The following CDH20 variants were observed in gnomAD, a reference collection of about 807,000 sequenced individuals.
CDH20 encodes cadherin 20.
Under a neutral mutation model 74.2 loss-of-function variants are expected in CDH20, and 29 were observed. The observed-to-expected ratio is 0.39, with a 90% CI of 0.29 to 0.53. The LOEUF is 0.53. Ranked by LOEUF, CDH20 falls within the 20% of genes least tolerant of loss-of-function variation. The pLI, the probability that CDH20 is intolerant of heterozygous loss-of-function variation, is 0.69. For synonymous variants in CDH20, 469 were observed against 405.4 expected (o/e 1.16, Z -1.88); for missense variants, 988 against 1,048.3 (o/e 0.94, Z 0.79).
rs565050938 is a variant in CDH20, at chr18:61,541,551, G to A, written c.1530+2406G>A. Among the ~76,000 whole-genome samples, 19 of 152,252 alleles carry A rather than the reference G, an allele frequency of 1.2e-4. No individual in the cohort carries two copies. The South Asian group carries it at 2.7e-3, about 22-fold the overall frequency. ...GCATCTTTTAATAGTTTGTTATACA[G>A]TGATCTGAAGTACAGATCTTTCACT... On this transcript the variant is annotated intron_variant, in intron 9 of 11. Coordinates refer to ENST00000262717, the MANE Select transcript of CDH20 (RefSeq NM_031891.4).
At chr18:61,377,462 G>A (rs1911275814) in intron 1 of CDH20, among the ~76,000 whole-genome samples, 1 of 151,566 alleles carries the variant, frequency 6.6e-6, no homozygotes, top group East Asian at 1.9e-4. Flanking sequence ...GACACGCGAA[G>A]CCTCATAAGT....
rs1913178570 is a variant in CDH20, at chr18:61,544,876, C to T, written c.1531-151C>T. On this transcript the variant is annotated intron_variant, in intron 9 of 11. Coordinates refer to ENST00000262717, the MANE Select transcript of CDH20 (RefSeq NM_031891.4). ...TCACCAGGAACCCTGCCCTTCTCTA[C>T]CCAGCATTTCCCTGCCCCTCTCCCA... 1.4e-5 allele frequency: 9 copies of T among 641,284 alleles called. No individual in the cohort carries two copies. The South Asian group carries it at 1.4e-4, about 10-fold the overall frequency. The allele number at this position is 641,284 out of a possible 1,614,324, so 39.7% of individuals were successfully genotyped here. A position where few individuals can be genotyped will look rare whatever the true frequency, so the allele number is the denominator to read the frequency against.
chr18:61,467,993 G>A (rs74643416), intron 1 of CDH20, among the ~76,000 whole-genome samples: 4 of 151,956 alleles, frequency 2.6e-5, no homozygotes, highest in African/African-American at 4.8e-5. Flanking sequence ...GTGTGGACTC[G>A]GATGCACAAA....
intron 1 of CDH20, among the ~76,000 whole-genome samples, chr18:61,398,544 G>A (rs942952431): frequency 6.6e-6 from 1 of 152,058 alleles, no homozygotes; most frequent in African/African-American, 2.4e-5. Context: ...TTTTCAATGT[G>A]TAAAAACAAC....
Position 61,404,754 on chromosome 18 carries a change from T to A in CDH20, c.-153+70927T>A, listed in dbSNP as rs545110659. 26 of 340,754 alleles carry A rather than the reference T, an allele frequency of 7.6e-5. No homozygotes were observed. The South Asian group carries it at 8.7e-4, about 11-fold the overall frequency. The allele number at this position is 340,754 out of a possible 1,614,324, so 21.1% of individuals were successfully genotyped here. On this transcript the variant is annotated intron_variant, in intron 1 of 11. Transcript: ENST00000262717. ...AAAAAGAGACCCTTTTCCTTGGCAGTTAAAAAAATGGAACATTTGTTTAAT... is the reference window on the plus strand; with the variant it reads ...AAAAAGAGACCCTTTTCCTTGGCAGATAAAAAAATGGAACATTTGTTTAAT...
In CDH20 at chr18:61,487,131, A is replaced by T. The variant is rs1568160070; in HGVS notation, c.-152-3271A>T. The stretch of plus-strand genomic sequence containing the variant: ...AAAGACTCATTTAACACAGAAGTCA[A>T]TTTCCACTAATGTATTCTTCATGTG... On this transcript the variant is annotated intron_variant, in intron 1 of 11. Coordinates refer to ENST00000262717, the MANE Select transcript of CDH20 (RefSeq NM_031891.4). Among the ~76,000 whole-genome samples, 5 of 152,226 alleles carry T rather than the reference A, an allele frequency of 3.3e-5. No homozygotes were observed. The South Asian group carries it at 1.0e-3, about 32-fold the overall frequency.
At chr18:61,433,551 C>T (rs188487877) in intron 1 of CDH20, among the ~76,000 whole-genome samples, 1 of 152,236 alleles carries the variant, frequency 6.6e-6, no homozygotes, top group Admixed American at 6.5e-5. Flanking sequence ...AAAGTAGAAA[C>T]ATGAGGCCAA....
intron 1 of CDH20, among the ~76,000 whole-genome samples, chr18:61,449,722 G>C (rs1229827951): frequency 6.6e-6 from 1 of 151,760 alleles, no homozygotes; most frequent in African/African-American, 2.4e-5. Flanking sequence ...AATATTATTT[G>C]TGTTGCTTAA....
intron 6 of CDH20, among the ~76,000 whole-genome samples, chr18:61,517,080 A>G (rs996339341): frequency 3.3e-5 from 5 of 152,230 alleles, no homozygotes; most frequent in African/African-American, 1.2e-4. Flanking sequence ...ATAAACCTCA[A>G]TTATACCCCC....
At chr18:61,464,095 T>C (rs1033746750) in intron 1 of CDH20, among the ~76,000 whole-genome samples, 2 of 152,196 alleles carry the variant, frequency 1.3e-5, no homozygotes, top group African/African-American at 4.8e-5. Context: ...TTTATGTGAT[T>C]CGCTTGCTAT....
intron 1 of CDH20, among the ~76,000 whole-genome samples, chr18:61,356,720 G>A (rs1910506720): frequency 6.6e-6 from 1 of 152,068 alleles, no homozygotes; most frequent in South Asian, 2.1e-4. Context: ...TGACAGCTCT[G>A]GCTAATGTTT....
In CDH20 at chr18:61,408,067, T is replaced by TAAAATCATTTC. The variant is rs771444741; in HGVS notation, c.-153+74247_-153+74248insTTTCAAAATCA. ...CTGCACTATTTTTGTAACTTTTTTA[T>TAAAATCATTTC]AAAATCAAAATCATTTCAAAATAAA... is the stretch of plus-strand genomic sequence containing the variant. On this transcript the variant is annotated intron_variant, in intron 1 of 11. Transcript: ENST00000262717. 2.8e-3 allele frequency among the ~76,000 whole-genome samples: 422 copies of TAAAATCATTTC among 152,254 alleles called. 2 individuals are homozygous for TAAAATCATTTC. Among genetic ancestry groups the TAAAATCATTTC allele is most frequent in the Non-Finnish European group, 4.9e-3 (335 of 68,012 alleles).
rs59628153 is a variant in CDH20 at position 61,340,226 on chromosome 18, C to CTTTTTTTTTTTTTTT, written c.-153+6409_-153+6410insTTTTTTTTTTTTTTT. 5.9e-3 allele frequency among the ~76,000 whole-genome samples: 712 copies of CTTTTTTTTTTTTTTT among 119,692 alleles called. 30 individuals are homozygous for CTTTTTTTTTTTTTTT. Among genetic ancestry groups the CTTTTTTTTTTTTTTT allele is most frequent in the Admixed American group, 0.012 (136 of 11,070 alleles). 78.5% of individuals were successfully genotyped at this position (119,692 alleles called of 152,430 possible). ...TGTCTTTAGCTAAATCTTCAGCCTT[C>CTTTTTTTTTTTTTTT]TTTTTTTTTTAAAGGTCTGACCTTA... On this transcript the variant is annotated intron_variant, in intron 1 of 11. Coordinates refer to ENST00000262717, the MANE Select transcript of CDH20 (RefSeq NM_031891.4).
At chr18:61,394,194 G>A (rs1482651650) in intron 1 of CDH20, among the ~76,000 whole-genome samples, 1 of 152,168 alleles carries the variant, frequency 6.6e-6, no homozygotes, top group Non-Finnish European at 1.5e-5. Flanking sequence ...GCTCAGAACA[G>A]ATTCCCAATC....
At chr18:61,531,379 C>T (rs1167412509) in intron 7 of CDH20, among the ~76,000 whole-genome samples, 1 of 152,214 alleles carries the variant, frequency 6.6e-6, no homozygotes. Flanking sequence ...TGCCTGCAGC[C>T]TGGAGAGCTG....
In CDH20 at chr18:61,536,571, A is replaced by T; in HGVS notation, c.1350A>T (p.Arg450Ser). 6.2e-7 allele frequency: 1 copy of T among 1,613,780 alleles called. No individual in the cohort carries two copies. Among genetic ancestry groups the T allele is most frequent in the Non-Finnish European group, 8.5e-7 (1 of 1,179,716 alleles). ...CAACAGGTGCCCTAATGACAGCAAG[A>T]CCCCTAGACCGGGAAGAATTTTCTT... is the stretch of plus-strand genomic sequence containing the variant. ...DITTGALMTARPLDREEFSWH... is the reference protein window; with the variant it reads ...DITTGALMTASPLDREEFSWH... Residue 450 changes from arginine (R) to serine (S), a missense_variant, in exon 8 of 12, where the codon AGA becomes AGT. Transcript: ENST00000262717.
chr18:61,545,637 T>C (rs1913222332), intron 10 of CDH20, among the ~76,000 whole-genome samples: 1 of 151,650 alleles, frequency 6.6e-6, no homozygotes, highest in South Asian at 2.1e-4. Flanking sequence ...TGATCTAGGA[T>C]AAAAAATAAA....
At chr18:61,417,643 C>G (rs922981826) in intron 1 of CDH20, among the ~76,000 whole-genome samples, 1 of 133,748 alleles carries the variant, frequency 7.5e-6, no homozygotes, top group African/African-American at 2.8e-5. Flanking sequence ...TAATGGTTAC[C>G]AGAGGCTGGG....
At chr18:61,382,447 A>G (rs2144182866) in intron 1 of CDH20, among the ~76,000 whole-genome samples, 1 of 152,306 alleles carries the variant, frequency 6.6e-6, no homozygotes, top group East Asian at 1.9e-4. Context: ...AAATCCCTTA[A>G]CCTTCCAGTG....
Sources: gnomAD v4.1 joint callset for allele counts (sites outside exome capture counted in the v4.1 genomes callset) on GRCh38, gnomAD v4.1.1 for gene constraint, MANE v1.5 for transcripts, NCBI Gene and HGNC (gene_info 2026-07-23, HGNC 2026-07-21) for gene names.